The following SLC1A1 variants were observed in gnomAD, a reference collection of about 807,000 sequenced individuals.
SLC1A1 encodes the protein excitatory amino acid transporter 3.
In SLC1A1, 43 loss-of-function variants were observed where a neutral mutation model predicts 53.3. The ratio of observed to expected loss-of-function variants is 0.81; its 90% CI spans 0.63 to 1.04. The LOEUF is 1.04. Ranked by LOEUF, SLC1A1 falls within the 50% of genes least tolerant of loss-of-function variation. The pLI, the probability that SLC1A1 is intolerant of heterozygous loss-of-function variation, is 0.00. For missense variants in SLC1A1, 748 were observed against 664.9 expected (o/e 1.12, Z -1.37); for synonymous variants, 307 against 243.2 (o/e 1.26, Z -2.44).
intron 1 of SLC1A1, among the ~76,000 whole-genome samples, chr9:4,524,139 A>G (rs1816180496): frequency 6.6e-6 from 1 of 152,228 alleles, no homozygotes; most frequent in Non-Finnish European, 1.5e-5. Context: ...ATGTGCATAC[A>G]TGGGAATACT....
chr9:4,526,243 A>G (rs1234782398), intron 1 of SLC1A1, among the ~76,000 whole-genome samples: 1 of 152,236 alleles, frequency 6.6e-6, no homozygotes, highest in Non-Finnish European at 1.5e-5. Flanking sequence ...AGAATTTATT[A>G]GATAAGAGCA....
At chr9:4,550,384 C>G (rs1444794473) in intron 2 of SLC1A1, among the ~76,000 whole-genome samples, 2 of 152,142 alleles carry the variant, frequency 1.3e-5, no homozygotes, top group African/African-American at 2.4e-5. Context: ...AGGTTTTCTA[C>G]TACTTTTTGT....
At chr9:4,531,232 C>T (rs1031198604) in intron 1 of SLC1A1, among the ~76,000 whole-genome samples, 14 of 152,154 alleles carry the variant, frequency 9.2e-5, no homozygotes, top group African/African-American at 2.7e-4. Flanking sequence ...TGCAGTGCAC[C>T]GTGCGTGAGC....
At chr9:4,582,278 T>G (rs1821170534) in intron 10 of SLC1A1, among the ~76,000 whole-genome samples, 1 of 152,192 alleles carries the variant, frequency 6.6e-6, no homozygotes, top group Non-Finnish European at 1.5e-5. Flanking sequence ...GTAATAAAGT[T>G]CACCTGGCTG....
At chr9:4,568,712 AC>A (rs1013336322) in intron 6 of SLC1A1, among the ~76,000 whole-genome samples, 4 of 151,052 alleles carry the variant, frequency 2.6e-5, no homozygotes, top group African/African-American at 9.8e-5. Context: ...AAAAAAAAAA[AC>A]ATACACACAA....
chr9:4,527,096 G>T (rs1322371712), intron 1 of SLC1A1, among the ~76,000 whole-genome samples: 1 of 152,134 alleles, frequency 6.6e-6, no homozygotes, highest in Non-Finnish European at 1.5e-5. Flanking sequence ...GTTGTCAGAG[G>T]GCCACATGGC....
At chr9:4,491,121 T>A (rs1310266531) in intron 1 of SLC1A1, among the ~76,000 whole-genome samples, 1 of 152,204 alleles carries the variant, frequency 6.6e-6, no homozygotes, top group East Asian at 1.9e-4. Context: ...TCCCGCACCG[T>A]ATCTCCCCCT....
chr9:4,528,732 C>T (rs1429768988), intron 1 of SLC1A1, among the ~76,000 whole-genome samples: 2 of 152,154 alleles, frequency 1.3e-5, no homozygotes, highest in African/African-American at 2.4e-5. Flanking sequence ...CTTAACAGTA[C>T]ATGCTTCTCA....
chr9:4,534,615 C>G (rs1192553099), intron 1 of SLC1A1, among the ~76,000 whole-genome samples: 5 of 151,980 alleles, frequency 3.3e-5, no homozygotes, highest in Non-Finnish European at 5.9e-5. Context: ...GGATTCACAG[C>G]CGAATTCTAC....
chr9:4,544,227 G>A (rs1330633649), intron 1 of SLC1A1, among the ~76,000 whole-genome samples: 1 of 152,126 alleles, frequency 6.6e-6, no homozygotes. Flanking sequence ...AAAAGGTGGT[G>A]TGTGAATGCA....
intron 1 of SLC1A1, among the ~76,000 whole-genome samples, chr9:4,524,152 G>A (rs10974591): frequency 0.058 from 8,889 of 152,246 alleles, 359 homozygotes; most frequent in Non-Finnish European, 0.089. Flanking sequence ...GGAATACTTG[G>A]AAAAGCAATG....
chr9:4,579,783 G>A (rs1820886193), intron 10 of SLC1A1, among the ~76,000 whole-genome samples: 1 of 152,114 alleles, frequency 6.6e-6, no homozygotes, highest in African/African-American at 2.4e-5. Context: ...TATTTCTGTG[G>A]ACTGGACATC....
chr9:4,547,098 C>T (rs1817557199), intron 2 of SLC1A1, among the ~76,000 whole-genome samples: 1 of 152,152 alleles, frequency 6.6e-6, no homozygotes, highest in Non-Finnish European at 1.5e-5. Context: ...AAATACATGC[C>T]ACTCTTGACA....
chr9:4,549,097 A>C lies in SLC1A1; in HGVS notation c.232+4390A>C, dbSNP rs1817716952. Among the ~76,000 whole-genome samples, 1 of 152,318 alleles carries C rather than the reference A, an allele frequency of 6.6e-6. No individual in the cohort carries two copies. The highest frequency in any genetic ancestry group is 6.5e-5 in the Admixed American group (1 of 15,308). On this transcript the variant is annotated intron_variant, in intron 2 of 11. Transcript: ENST00000262352. The surrounding 1 kb of genome is among the most constrained non-coding windows in gnomAD (Gnocchi z 4.1). ...CTTTACTACTTCCCAAAATTAAACTATGATGATTGGAGCCTCCTATGACCA... is the reference window on the plus strand; with the variant it reads ...CTTTACTACTTCCCAAAATTAAACTCTGATGATTGGAGCCTCCTATGACCA...
At chr9:4,514,224 G>A (rs1459114811) in intron 1 of SLC1A1, among the ~76,000 whole-genome samples, 1 of 152,180 alleles carries the variant, frequency 6.6e-6, no homozygotes, top group Admixed American at 6.5e-5. Flanking sequence ...GCCCTTAAGA[G>A]TCAGTTGGTG....
At chr9:4,563,443 AGAGAG>A (rs1341875867) in intron 3 of SLC1A1, among the ~76,000 whole-genome samples, 3 of 152,194 alleles carry the variant, frequency 2.0e-5, no homozygotes, top group Admixed American at 2.0e-4. Flanking sequence ...TACAACCCTG[AGAGAG>A]GAAAAGAGTG....
At chr9:4,565,200 G>A (rs971534722) in intron 4 of SLC1A1, among the ~76,000 whole-genome samples, 1 of 152,134 alleles carries the variant, frequency 6.6e-6, no homozygotes, top group East Asian at 1.9e-4. Flanking sequence ...TTCCAGGTAT[G>A]TGGCTTAGAT....
intron 1 of SLC1A1, among the ~76,000 whole-genome samples, chr9:4,498,990 ATATAT>A (rs1820540436): frequency 7.1e-6 from 1 of 141,786 alleles, no homozygotes; most frequent in South Asian, 2.1e-4. Flanking sequence ...CTTATATATT[ATATAT>A]AAGATTATAT....
intron 1 of SLC1A1, among the ~76,000 whole-genome samples, chr9:4,511,828 A>C (rs937972303): frequency 1.3e-5 from 2 of 152,200 alleles, no homozygotes; most frequent in African/African-American, 4.8e-5. Flanking sequence ...AAATCCCAAG[A>C]AATTACAAAA....
Sources: allele counts gnomAD v4.1 joint callset (sites outside exome capture counted in the v4.1 genomes callset), GRCh38; gene constraint gnomAD v4.1.1; non-coding constraint Gnocchi (gnomAD v3.1); transcripts MANE v1.5; gene names NCBI Gene and HGNC (gene_info 2026-07-23, HGNC 2026-07-21).